COL5A2: variants seen among roughly 807,000 people sequenced by gnomAD.
COL5A2 encodes the protein collagen type V alpha 2 chain.
A neutral mutation model predicts 208.2 loss-of-function variants in COL5A2; 23 were observed. That is an observed-to-expected ratio of 0.11 (90% confidence interval 0.08 to 0.16). COL5A2 has a LOEUF of 0.16. Ranked by LOEUF, COL5A2 falls within the 10% of genes least tolerant of loss-of-function variation. The probability of loss-of-function intolerance (pLI) is 1.00; values close to 1 mark genes in which losing one functional copy is unlikely to be tolerated. For missense variants in COL5A2, 1,590 were observed against 1,956.4 expected, an observed-to-expected ratio of 0.81 and a Z score of 3.53; for synonymous variants, 625 against 628.5, an observed-to-expected ratio of 0.99 and a Z score of 0.08.
At chr2:189,339,232 T>A in the COL5A2 span, among the ~76,000 whole-genome samples, 1 of 151,724 alleles carries the variant, frequency 6.6e-6, no homozygotes, top group African/African-American at 2.4e-5. Context: ...GCGCCTGTAA[T>A]CCCAGCTACT....
At chr2:189,167,370 GAACT>G (rs1318256703) in intron 1 of COL5A2, among the ~76,000 whole-genome samples, 1 of 152,084 alleles carries the variant, frequency 6.6e-6, no homozygotes, top group Non-Finnish European at 1.5e-5. Context: ...TATCTTTATA[GAACT>G]AATTCTAATT....
chr2:189,390,563 G>A, the COL5A2 span, among the ~76,000 whole-genome samples: 41 of 152,144 alleles, frequency 2.7e-4, no homozygotes, highest in African/African-American at 9.7e-4. Context: ...GAGTAAGGAA[G>A]GAAATTAGGT....
At chr2:189,097,241 G>A (rs1425705810) in intron 6 of COL5A2, 36 bp downstream of exon 6, 5 of 1,605,758 alleles carry the variant, frequency 3.1e-6, no homozygotes, top group African/African-American at 2.7e-5. Context: ...CTGACTGGCT[G>A]TACGTTCCCC....
intron 13 of COL5A2, among the ~76,000 whole-genome samples, chr2:189,080,503 A>G (rs1686507567): frequency 6.7e-6 from 1 of 148,268 alleles, no homozygotes; most frequent in South Asian, 2.2e-4. Context: ...TGATAGTTAG[A>G]TAGATGATAG....
chr2:189,289,780 C>T, the COL5A2 span, among the ~76,000 whole-genome samples: 3 of 152,050 alleles, frequency 2.0e-5, no homozygotes, highest in Non-Finnish European at 4.4e-5. Context: ...TCAATCAATC[C>T]AGCCTCATTT....
At chr2:189,203,292 A>C (rs1215197502) in intron 1 of COL5A2, among the ~76,000 whole-genome samples, 1 of 152,162 alleles carries the variant, frequency 6.6e-6, no homozygotes, top group East Asian at 1.9e-4. Context: ...AAACACCAGA[A>C]CTCTAACTTA....
Position 189,068,026 on chromosome 2 carries a change from G to C in COL5A2, c.1390C>G (p.Arg464Gly). 3 of 1,613,708 alleles carry C rather than the reference G, an allele frequency of 1.9e-6. No individual in the cohort carries two copies. Among genetic ancestry groups the C allele is most frequent in the South Asian group, 2.2e-5 (2 of 91,066 alleles). The change falls in exon 21 of 54, where the codon CGA (arginine) becomes GGA (glycine). Residue 464 changes from arginine (R) to glycine (G), a missense_variant. Arg to Gly is a moderately radical substitution (Grantham distance 125). Coordinates refer to ENST00000374866, the MANE Select transcript of COL5A2 (RefSeq NM_000393.5). ...TCAAAGGTCATTACCGGTTGGCCTC[G>C]AATTCCCTGAGGACCAGTGCTACCC... ...PQGSTGPQGI[R>G]GQPGDPGVPG...
the COL5A2 span, among the ~76,000 whole-genome samples, chr2:189,247,662 C>A: frequency 2.6e-5 from 4 of 151,786 alleles, no homozygotes; most frequent in Non-Finnish European, 5.9e-5. Flanking sequence ...TCACTGCAAC[C>A]TCCACCTCCT....
the COL5A2 span, among the ~76,000 whole-genome samples, chr2:189,305,468 T>C: frequency 4.6e-5 from 7 of 152,240 alleles, no homozygotes; most frequent in African/African-American, 1.7e-4. Context: ...CCTTTCACCA[T>C]GTGAGGATGT....
At chr2:189,216,919 A>G (rs1169647446) in intron 1 of COL5A2, among the ~76,000 whole-genome samples, 1 of 152,154 alleles carries the variant, frequency 6.6e-6, no homozygotes, top group East Asian at 1.9e-4. Flanking sequence ...TGGATACTTC[A>G]CTGAGCAGTG....
rs1386982359 is a variant in COL5A2, at chr2:189,225,216, G to A, written c.-110C>T. On this transcript the variant is annotated 5_prime_UTR_variant, in exon 1 of 11. Transcript: ENST00000649966. ...TCAGAAGCAGGTGGTTTTGTGGTAC[G>A]AGAGATAGCAGCAACTCTAGGATCC... Among the ~76,000 whole-genome samples the A allele has an allele frequency of 2.6e-5, 4 of 152,138 alleles. No individual in the cohort carries two copies. In the East Asian group the frequency reaches 5.8e-4, roughly 22 times the overall value.
At chr2:189,203,416 C>T (rs1334258683) in intron 1 of COL5A2, among the ~76,000 whole-genome samples, 1 of 152,200 alleles carries the variant, frequency 6.6e-6, no homozygotes, top group Non-Finnish European at 1.5e-5. Flanking sequence ...AATAGGAACA[C>T]AGCTGTATGC....
At chr2:189,284,577 T>C in the COL5A2 span, among the ~76,000 whole-genome samples, 1 of 152,072 alleles carries the variant, frequency 6.6e-6, no homozygotes, top group Non-Finnish European at 1.5e-5. Flanking sequence ...CATGATTCAA[T>C]CACTTCCCAC....
chr2:189,058,992 C>A (rs927861307), intron 31 of COL5A2, 99 bp from the exon 32 acceptor site: 1 of 894,450 alleles, frequency 1.1e-6, no homozygotes, highest in Non-Finnish European at 1.8e-6. Context: ...TATTAATGTG[C>A]CATTAGAAGG....
intron 1 of COL5A2, among the ~76,000 whole-genome samples, chr2:189,142,747 C>T (rs1387698569): frequency 6.6e-6 from 1 of 152,044 alleles, no homozygotes; most frequent in Non-Finnish European, 1.5e-5. Context: ...AATGGCCCTT[C>T]AATTGTGTCA....
At chr2:189,071,807 T>A (rs1485975887) in intron 18 of COL5A2, among the ~76,000 whole-genome samples, 1 of 152,188 alleles carries the variant, frequency 6.6e-6, no homozygotes, top group Non-Finnish European at 1.5e-5. Flanking sequence ...TCAGGTTCTT[T>A]GATATTATAA....
upstream of COL5A2, among the ~76,000 whole-genome samples, chr2:189,229,326 G>T (rs1242426828): frequency 6.6e-6 from 1 of 150,908 alleles, no homozygotes; most frequent in African/African-American, 2.4e-5. Context: ...GCAAGAAAAA[G>T]AAATAAAAGG....
At chr2:189,156,325 T>G (rs1214456919) in intron 1 of COL5A2, among the ~76,000 whole-genome samples, 1 of 152,076 alleles carries the variant, frequency 6.6e-6, no homozygotes, top group Non-Finnish European at 1.5e-5. Flanking sequence ...AAATAAATAT[T>G]TATTAAGTAA....
At chr2:189,079,605 G>A (rs10200824) in intron 14 of COL5A2, among the ~76,000 whole-genome samples, 22,274 of 152,126 alleles carry the variant, frequency 0.15, 1,616 homozygotes, top group Middle Eastern at 0.19. Context: ...ACAATGAGGA[G>A]AAGGTCTTGG....
Sources: gnomAD v4.1 joint callset for allele counts (sites outside exome capture counted in the v4.1 genomes callset) on GRCh38, gnomAD v4.1.1 for gene constraint, MANE v1.5 for transcripts, NCBI Gene and HGNC (gene_info 2026-07-23, HGNC 2026-07-21) for gene names.